PCDH9: variants seen among roughly 807,000 people sequenced by gnomAD.
PCDH9 encodes the protein protocadherin-9.
Under a neutral mutation model 70.6 loss-of-function variants are expected in PCDH9, and 24 were observed. The observed-to-expected ratio is 0.34, with a 90% CI of 0.25 to 0.48. The LOEUF is 0.48. Among genes scored for constraint, PCDH9 ranks in the 20% least tolerant of loss-of-function variants. The probability of loss-of-function intolerance (pLI) is 0.99; values close to 1 mark genes in which losing one functional copy is unlikely to be tolerated. For synonymous variants in PCDH9, 562 were observed against 558.5 expected, an observed-to-expected ratio of 1.01 and a Z score of -0.09; for missense variants, 1,281 against 1,503.6, an observed-to-expected ratio of 0.85 and a Z score of 2.45.
At chr13:66,499,557 C>T (rs772121647) in intron 4 of PCDH9, among the ~76,000 whole-genome samples, 2 of 152,172 alleles carry the variant, frequency 1.3e-5, no homozygotes, top group Non-Finnish European at 2.9e-5. Flanking sequence ...CTCCAGCAGA[C>T]CATTCCAAGC....
chr13:66,815,330 T>C (rs1172767303), intron 3 of PCDH9, among the ~76,000 whole-genome samples: 5 of 152,158 alleles, frequency 3.3e-5, no homozygotes, highest in African/African-American at 1.2e-4. Context: ...GGTGGAAATG[T>C]AAATTAGTTC....
At chr13:66,537,341 C>G (rs1960750117) in intron 4 of PCDH9, among the ~76,000 whole-genome samples, 1 of 151,964 alleles carries the variant, frequency 6.6e-6, no homozygotes, top group Non-Finnish European at 1.5e-5. Flanking sequence ...TCCATATTAA[C>G]TATTTAATTA....
intron 3 of PCDH9, among the ~76,000 whole-genome samples, chr13:66,762,552 G>T (rs34078812): frequency 0.27 from 40,221 of 151,738 alleles, 5,897 homozygotes; most frequent in East Asian, 0.43. Flanking sequence ...TGTCATTCTT[G>T]CCCTTTTCAG....
intron 4 of PCDH9, among the ~76,000 whole-genome samples, chr13:66,422,718 C>G (rs1203969916): frequency 6.6e-6 from 1 of 151,898 alleles, no homozygotes; most frequent in Non-Finnish European, 1.5e-5. Context: ...GATCTAAAAT[C>G]AACACCCTAA....
chr13:66,864,380 G>T (rs977630415), intron 3 of PCDH9, among the ~76,000 whole-genome samples: 2 of 152,050 alleles, frequency 1.3e-5, no homozygotes, highest in African/African-American at 4.8e-5. Context: ...GGTGGGGGGC[G>T]TGAAAAGACA....
intron 2 of PCDH9, among the ~76,000 whole-genome samples, chr13:67,166,426 T>C (rs1451727889): frequency 6.6e-6 from 1 of 152,178 alleles, no homozygotes; most frequent in African/African-American, 2.4e-5. Flanking sequence ...CTTGAACAAG[T>C]CACTTAACCT....
At chr13:66,529,770 A>G (rs1960368614) in intron 4 of PCDH9, among the ~76,000 whole-genome samples, 1 of 151,944 alleles carries the variant, frequency 6.6e-6, no homozygotes, top group Admixed American at 6.6e-5. Context: ...GATGATAAAT[A>G]CCACAGTTAC....
At chr13:67,092,555 C>T (rs2086238958) in intron 2 of PCDH9, among the ~76,000 whole-genome samples, 1 of 152,146 alleles carries the variant, frequency 6.6e-6, no homozygotes, top group South Asian at 2.1e-4. Flanking sequence ...ACTACTGCCA[C>T]TCTCATAACT....
chr13:66,386,064 T>TCCCC (rs1956924134), intron 4 of PCDH9, among the ~76,000 whole-genome samples: 2 of 152,092 alleles, frequency 1.3e-5, no homozygotes, highest in African/African-American at 4.8e-5. Flanking sequence ...TACATTAATT[T>TCCCC]AATGGTCCAT....
chr13:66,487,852 A>C (rs541115943), intron 4 of PCDH9, among the ~76,000 whole-genome samples: 13 of 152,296 alleles, frequency 8.5e-5, no homozygotes, highest in African/African-American at 2.6e-4. Context: ...CTATGGAATT[A>C]ACTTGACCAT....
intron 4 of PCDH9, among the ~76,000 whole-genome samples, chr13:66,520,779 T>G (rs1304318515): frequency 2.0e-5 from 3 of 152,164 alleles, no homozygotes; most frequent in African/African-American, 7.2e-5. Context: ...TGTTTAGGTA[T>G]CTTATGTCTT....
chr13:66,801,093 T>C (rs2080319858), intron 3 of PCDH9, among the ~76,000 whole-genome samples: 1 of 151,186 alleles, frequency 6.6e-6, no homozygotes, highest in South Asian at 2.1e-4. Flanking sequence ...GAGGGGGATG[T>C]AGGTCTGTAT....
intron 2 of PCDH9, among the ~76,000 whole-genome samples, chr13:66,913,144 T>C (rs1023737839): frequency 6.6e-6 from 1 of 152,082 alleles, no homozygotes; most frequent in African/African-American, 2.4e-5. Flanking sequence ...AGGCAAATTC[T>C]TTAAAAAGTT....
intron 2 of PCDH9, among the ~76,000 whole-genome samples, chr13:67,160,538 C>T (rs1388031243): frequency 6.7e-6 from 1 of 150,046 alleles, no homozygotes; most frequent in Non-Finnish European, 1.5e-5. Flanking sequence ...CAGAGCGAGA[C>T]TCCGTCTCAA....
chr13:66,933,802 C>T (rs191594694), intron 2 of PCDH9, among the ~76,000 whole-genome samples: 9 of 151,440 alleles, frequency 5.9e-5, no homozygotes. Context: ...TATTAATATG[C>T]CTCAGCTCTA....
At position 66,996,351 on chromosome 13, in the gene PCDH9, T is replaced by C. The variant is rs574637196; in HGVS notation, c.3037-92746A>G. 12 of 152,156 alleles carry C rather than the reference T, an allele frequency of 7.9e-5. No individual in the cohort carries two copies. In the South Asian group the frequency reaches 2.5e-3, roughly 32 times the overall value. The allele number at this position is 152,156 out of a possible 1,614,324, so 9.4% of individuals were successfully genotyped here. On this transcript the variant is annotated intron_variant, in intron 2 of 4. Coordinates refer to ENST00000377865, the MANE Select transcript of PCDH9 (RefSeq NM_203487.3). The stretch of plus-strand genomic sequence containing the variant: ...TATATGACATGTTAGAACATTAGTG[T>C]TTAAAAAAAAAAGAAAAAGCACAGG...
At chr13:66,897,187 G>A (rs982691918) in intron 3 of PCDH9, among the ~76,000 whole-genome samples, 3 of 151,814 alleles carry the variant, frequency 2.0e-5, no homozygotes, top group Non-Finnish European at 2.9e-5. Flanking sequence ...TGGTATACTT[G>A]CTGGATAAAT....
intron 3 of PCDH9, among the ~76,000 whole-genome samples, chr13:66,653,973 T>TTAAAAAA: frequency 7.8e-6 from 1 of 128,458 alleles, no homozygotes; most frequent in Non-Finnish European, 1.6e-5. Context: ...GTCTCAAAAT[T>TTAAAAAA]AAAAAAAAAA....
At chr13:67,133,747 T>A (rs905188394) in intron 2 of PCDH9, among the ~76,000 whole-genome samples, 1 of 152,064 alleles carries the variant, frequency 6.6e-6, no homozygotes, top group Non-Finnish European at 1.5e-5. Context: ...AAATGAAAGG[T>A]TATTAAAAAA....
Sources: allele counts gnomAD v4.1 joint callset (sites outside exome capture counted in the v4.1 genomes callset), GRCh38; gene constraint gnomAD v4.1.1; transcripts MANE v1.5; gene names NCBI Gene and HGNC (gene_info 2026-07-23, HGNC 2026-07-21).